FSHR: variants seen among roughly 807,000 people sequenced by gnomAD.
FSHR encodes the protein follicle-stimulating hormone receptor.
FSHR carries 46 observed loss-of-function variants against 52.1 expected under a neutral mutation model. That is an observed-to-expected ratio of 0.88 (90% confidence interval 0.70 to 1.13). The LOEUF (loss-of-function observed/expected upper bound fraction) is 1.13. Among genes scored for constraint, FSHR ranks in the 50% most tolerant of loss-of-function variants. The pLI is 0.00. For missense variants in FSHR, 964 were observed against 834.6 expected (o/e 1.16, Z -1.91); for synonymous variants, 399 against 309.6 (o/e 1.29, Z -3.03).
chr2:49,018,642 A>G (rs1182556183), intron 3 of FSHR, among the ~76,000 whole-genome samples: 1 of 152,170 alleles, frequency 6.6e-6, no homozygotes, highest in Non-Finnish European at 1.5e-5. Context: ...GTTCTTCCCA[A>G]CTAGACCAAG....
At chr2:49,117,117 C>G (rs1180475982) in intron 1 of FSHR, among the ~76,000 whole-genome samples, 1 of 152,050 alleles carries the variant, frequency 6.6e-6, no homozygotes, top group Non-Finnish European at 1.5e-5. Flanking sequence ...ATCTCAAGAG[C>G]AGGTCAAGAA....
In FSHR at chr2:49,049,773, C is replaced by G. The variant is rs79998548; in HGVS notation, c.224+18446G>C. 7.4e-3 allele frequency among the ~76,000 whole-genome samples: 1,121 copies of G among 151,402 alleles called. 12 individuals are homozygous for G. The highest frequency in any genetic ancestry group is 0.025 in the African/African-American group (1,023 of 41,000). Reference sequence around the variant, plus strand: ...AAGGTTGGGAACATCTATAAAATTACAGATCTCAAGAACTCTGCTTTCTTT... The same window carrying G: ...AAGGTTGGGAACATCTATAAAATTAGAGATCTCAAGAACTCTGCTTTCTTT... On this transcript the variant is annotated intron_variant, in intron 2 of 9. Coordinates refer to ENST00000406846, the MANE Select transcript of FSHR (RefSeq NM_000145.4).
intron 9 of FSHR, among the ~76,000 whole-genome samples, chr2:48,968,362 A>C (rs1674571127): frequency 6.6e-6 from 1 of 152,204 alleles, no homozygotes; most frequent in Non-Finnish European, 1.5e-5. Flanking sequence ...GACTTGAAGG[A>C]TTAAATCTAT....
chr2:49,056,468 A>ATATC (rs1669068200), intron 2 of FSHR, among the ~76,000 whole-genome samples: 1 of 51,808 alleles, frequency 1.9e-5, no homozygotes, highest in African/African-American at 5.0e-5. Context: ...ATATATATAT[A>ATATC]TATATATATA....
chr2:49,087,070 GTTTTTTTT>G (rs56890721), intron 1 of FSHR, among the ~76,000 whole-genome samples: 23 of 86,734 alleles, frequency 2.7e-4, no homozygotes, highest in East Asian at 1.7e-3. Flanking sequence ...TGTGGGCAGG[GTTTTTTTT>G]TTTTTTTTTT....
intron 2 of FSHR, among the ~76,000 whole-genome samples, chr2:49,067,144 C>A (rs967836511): frequency 6.6e-6 from 1 of 152,052 alleles, no homozygotes; most frequent in Non-Finnish European, 1.5e-5. Flanking sequence ...ATGAGGAAAC[C>A]AGGGCCCTGA....
intron 1 of FSHR, among the ~76,000 whole-genome samples, chr2:49,096,876 A>C (rs1322849906): frequency 2.6e-5 from 4 of 152,066 alleles, no homozygotes; most frequent in Admixed American, 6.5e-5. Flanking sequence ...GGTGGGTGGC[A>C]CCACTTTCTT....
Position 49,151,766 on chromosome 2 carries a change from T to A in FSHR, c.152+2500A>T, listed in dbSNP as rs79347228. 4.4e-3 allele frequency among the ~76,000 whole-genome samples: 666 copies of A among 152,266 alleles called. 5 individuals carry two copies. The highest frequency in any genetic ancestry group is 0.015 in the African/African-American group (640 of 41,562). On this transcript the variant is annotated intron_variant, in intron 1 of 9. Transcript: ENST00000406846. Reference sequence around the variant, plus strand: ...TGTAAGGTGAATTAGAGATACTTAGTTGAACAGTCCATTTCATCCCTGTTC... The same window carrying A: ...TGTAAGGTGAATTAGAGATACTTAGATGAACAGTCCATTTCATCCCTGTTC...
At chr2:49,010,917 C>CTTT (rs1667245621) in intron 4 of FSHR, among the ~76,000 whole-genome samples, 2 of 151,622 alleles carry the variant, frequency 1.3e-5, no homozygotes, top group South Asian at 2.1e-4. Context: ...ATTCTTCTCT[C>CTTT]TTTTCTTCTT....
At chr2:49,043,802 C>A (rs1261516512) in intron 2 of FSHR, among the ~76,000 whole-genome samples, 1 of 152,136 alleles carries the variant, frequency 6.6e-6, no homozygotes, top group African/African-American at 2.4e-5. Flanking sequence ...ATTGTGGGAG[C>A]CTGCAACCTC....
At chr2:49,067,942 A>ATT (rs1669569010) in intron 2 of FSHR, among the ~76,000 whole-genome samples, 1 of 151,856 alleles carries the variant, frequency 6.6e-6, no homozygotes, top group African/African-American at 2.4e-5. Flanking sequence ...TTGGTTTATG[A>ATT]AAATTCCATT....
At chr2:48,968,602 G>C in intron 9 of FSHR, 96 bp downstream of exon 9, 2 of 1,426,280 alleles carry the variant, frequency 1.4e-6, no homozygotes, top group South Asian at 2.4e-5. Flanking sequence ...GGAACTCTCT[G>C]CAAGTAGATT....
intron 1 of FSHR, among the ~76,000 whole-genome samples, chr2:49,098,839 TATA>T (rs1385263788): frequency 6.8e-6 from 1 of 146,646 alleles, no homozygotes; most frequent in Non-Finnish European, 1.5e-5. Flanking sequence ...TATTATATAT[TATA>T]TTATATATAC....
chr2:49,119,156 T>C (rs568340467), intron 1 of FSHR, among the ~76,000 whole-genome samples: 1 of 152,246 alleles, frequency 6.6e-6, no homozygotes, highest in South Asian at 2.1e-4. Context: ...AATTCAGAGA[T>C]CCTTTAAGAA....
At chr2:49,130,084 C>T (rs1558458350) in intron 1 of FSHR, among the ~76,000 whole-genome samples, 1 of 152,250 alleles carries the variant, frequency 6.6e-6, no homozygotes, top group East Asian at 1.9e-4. Context: ...ATCTTACTTC[C>T]TGGGTTCAAA....
intron 2 of FSHR, among the ~76,000 whole-genome samples, chr2:49,021,886 T>TATATATATATATATATATAGAG (rs1273265515): frequency 8.0e-5 from 2 of 25,120 alleles, no homozygotes; most frequent in Admixed American, 5.5e-4. Flanking sequence ...TATATATATA[T>TATATATATATATATATATAGAG]AGAGAGAGAG....
At chr2:49,129,177 C>A (rs1208165079) in intron 1 of FSHR, among the ~76,000 whole-genome samples, 1 of 152,090 alleles carries the variant, frequency 6.6e-6, no homozygotes, top group African/African-American at 2.4e-5. Flanking sequence ...CCACTGCCTT[C>A]CACTGAATTG....
chr2:48,975,739 C>G (rs1169547981), intron 8 of FSHR, among the ~76,000 whole-genome samples: 1 of 152,162 alleles, frequency 6.6e-6, no homozygotes, highest in Non-Finnish European at 1.5e-5. Context: ...TTTTTATTCT[C>G]TCTGTAGCAA....
At chr2:49,116,521 G>A (rs561806164) in intron 1 of FSHR, among the ~76,000 whole-genome samples, 1 of 152,136 alleles carries the variant, frequency 6.6e-6, no homozygotes, top group Non-Finnish European at 1.5e-5. Context: ...TCCTAATAAA[G>A]CTGTTGTGAG....
Sources: gnomAD v4.1 joint callset for allele counts (sites outside exome capture counted in the v4.1 genomes callset) on GRCh38, gnomAD v4.1.1 for gene constraint, MANE v1.5 for transcripts, NCBI Gene and HGNC (gene_info 2026-07-23, HGNC 2026-07-21) for gene names.